LPP: variants seen among roughly 807,000 people sequenced by gnomAD.
The protein encoded by LPP is lipoma-preferred partner.
LPP carries 38 observed loss-of-function variants against 60.4 expected under a neutral mutation model. That is an observed-to-expected ratio of 0.63 (90% CI 0.49 to 0.83). LPP has a LOEUF of 0.83. LPP is among the 40% of genes least tolerant of loss of function. The pLI is 0.00. For synonymous variants in LPP, 328 were observed against 290.8 expected (o/e 1.13, Z -1.30); for missense variants, 902 against 783.6 (o/e 1.15, Z -1.80).
intron 3 of LPP, among the ~76,000 whole-genome samples, chr3:188,396,211 C>T (rs1295436248): frequency 6.6e-6 from 1 of 151,996 alleles, no homozygotes; most frequent in Non-Finnish European, 1.5e-5. Context: ...CAATAGTAGA[C>T]TCATATTCAT....
At chr3:188,196,074 T>C (rs1729448538) in intron 1 of LPP, among the ~76,000 whole-genome samples, 1 of 152,200 alleles carries the variant, frequency 6.6e-6, no homozygotes, top group African/African-American at 2.4e-5. Flanking sequence ...TTATTTGGCA[T>C]TGGTGGTGCT....
intron 1 of LPP, chr3:188,212,678 T>C (rs1842306): frequency 0.39 from 57,727 of 147,168 alleles, 13,225 homozygotes; most frequent in African/African-American, 0.62. Flanking sequence ...CATTCCTCTG[T>C]CCCTTGTTCT....
chr3:188,872,710 G>A lies in LPP; in HGVS notation c.1657G>A (p.Val553Ile). 1.2e-6 allele frequency: 2 copies of A among 1,614,188 alleles called. No individual in the cohort carries two copies. The highest frequency in any genetic ancestry group is 1.7e-6 in the Non-Finnish European group (2 of 1,180,028). Residue 553 changes from valine (V) to isoleucine (I), a missense_variant, in exon 11 of 12, where the codon GTC (valine) becomes ATC (isoleucine). By Grantham distance (29) the Val-to-Ile change is conservative. Coordinates refer to ENST00000617246, the MANE Select transcript of LPP (RefSeq NM_001375462.1). ...GCCAGCCCCGGGCCAGGAGGAGACT[G>A]TCCGTATTGTGGCTTTGGATCGAGA... ...IMPAPGQEET[V>I]RIVALDRDFH... is the part of the protein sequence containing the mutation.
At chr3:188,770,975 A>G (rs969769571) in intron 9 of LPP, among the ~76,000 whole-genome samples, 5 of 152,226 alleles carry the variant, frequency 3.3e-5, no homozygotes, top group Non-Finnish European at 7.3e-5. Context: ...GGATTGTCCC[A>G]TGCAGGCAAT....
chr3:188,720,451 G>A (rs1035973879), intron 8 of LPP, among the ~76,000 whole-genome samples: 3 of 152,092 alleles, frequency 2.0e-5, no homozygotes, highest in African/African-American at 7.2e-5. Flanking sequence ...CTGTACTTGT[G>A]CCATATAAAA....
At chr3:188,372,367 A>T (rs1205434870) in intron 3 of LPP, among the ~76,000 whole-genome samples, 1 of 152,198 alleles carries the variant, frequency 6.6e-6, no homozygotes, top group Admixed American at 6.5e-5. Context: ...AAGCTCCTTC[A>T]ATCCAATTAG....
At chr3:188,464,492 G>A (rs891251380) in intron 4 of LPP, among the ~76,000 whole-genome samples, 2 of 152,190 alleles carry the variant, frequency 1.3e-5, no homozygotes, top group Non-Finnish European at 2.9e-5. Flanking sequence ...CCATCTAGAT[G>A]ATTCTACAAA....
chr3:188,479,529 G>T (rs554630330), intron 4 of LPP, among the ~76,000 whole-genome samples: 4 of 152,300 alleles, frequency 2.6e-5, no homozygotes, highest in Admixed American at 2.6e-4. Flanking sequence ...AATTGAATGG[G>T]TTTTTATTTT....
In LPP at chr3:188,765,297, A is replaced by AACACACACAC. The variant is rs60149759; in HGVS notation, c.1410+5048_1410+5057dup. ...TCTTGTCTCTCTTTCTGTCTCACAC[A>AACACACACAC]ACACACACACACACACACACACACA... On this transcript the variant is annotated intron_variant, in intron 9 of 11. Coordinates refer to ENST00000617246, the MANE Select transcript of LPP (RefSeq NM_001375462.1). Among the ~76,000 whole-genome samples the AACACACACAC allele has an allele frequency of 1.3e-3, 186 of 144,068 alleles. 1 individual carries two copies. The East Asian group carries it at 0.018, about 14-fold the overall frequency. 94.5% of individuals were successfully genotyped at this position (144,068 alleles called of 152,430 possible).
chr3:188,872,631 C>G lies in LPP; in HGVS notation c.1590-12C>G, dbSNP rs183177947. Reference sequence around the variant, plus strand: ...GCGCAGTATCTAACCAGAACTCTCTCTTCACTTTCAGGAAATTTGCCCCGC... The same window carrying G: ...GCGCAGTATCTAACCAGAACTCTCTGTTCACTTTCAGGAAATTTGCCCCGC... On this transcript the variant is annotated splice_polypyrimidine_tract_variant and intron_variant, in intron 10 of 11. Transcript: ENST00000617246. 1.1e-5 allele frequency: 18 copies of G among 1,614,112 alleles called. No homozygotes were observed. The highest frequency in any genetic ancestry group is 2.2e-5 in the South Asian group (2 of 91,078).
intron 9 of LPP, among the ~76,000 whole-genome samples, chr3:188,795,941 G>T (rs1745211735): frequency 6.6e-6 from 1 of 152,144 alleles, no homozygotes; most frequent in African/African-American, 2.4e-5. Flanking sequence ...CTTGTTGACA[G>T]TTGGTGGGGT....
intron 9 of LPP, among the ~76,000 whole-genome samples, chr3:188,831,649 A>G (rs1757166884): frequency 6.6e-6 from 1 of 152,164 alleles, no homozygotes; most frequent in Non-Finnish European, 1.5e-5. Context: ...GGTTAAAGAG[A>G]TCTCTCAGTA....
intron 2 of LPP, among the ~76,000 whole-genome samples, chr3:188,334,459 GT>G (rs1481563238): frequency 2.9e-5 from 3 of 104,484 alleles, no homozygotes; most frequent in Non-Finnish European, 5.2e-5. Context: ...GAGTTTTGCT[GT>G]GTCACCAGGC....
At chr3:188,465,204 G>T (rs1331432220) in intron 4 of LPP, among the ~76,000 whole-genome samples, 1 of 152,066 alleles carries the variant, frequency 6.6e-6, no homozygotes. Context: ...GTAACAGATA[G>T]AAGTGACACC....
intron 6 of LPP, among the ~76,000 whole-genome samples, chr3:188,543,155 A>G (rs986166789): frequency 6.6e-6 from 1 of 152,154 alleles, no homozygotes; most frequent in Non-Finnish European, 1.5e-5. Flanking sequence ...ATGATCGGAA[A>G]TAGAAGAGGC....
chr3:188,615,633 C>T (rs1167765047), intron 7 of LPP, among the ~76,000 whole-genome samples: 1 of 152,066 alleles, frequency 6.6e-6, no homozygotes, highest in African/African-American at 2.4e-5. Flanking sequence ...TCTGTAGGGC[C>T]CTATTAGTGT....
At chr3:188,780,326 C>T (rs927957547) in intron 9 of LPP, among the ~76,000 whole-genome samples, 5 of 152,192 alleles carry the variant, frequency 3.3e-5, no homozygotes, top group Non-Finnish European at 7.4e-5. Flanking sequence ...CTTGAGTATC[C>T]AAAATGATTC....
intron 6 of LPP, among the ~76,000 whole-genome samples, chr3:188,543,085 T>C (rs145341485): frequency 6.6e-6 from 1 of 152,322 alleles, no homozygotes; most frequent in East Asian, 1.9e-4. Flanking sequence ...GTCTTTCCTT[T>C]AGGATGTGAC....
At chr3:188,567,833 C>T (rs1041050028) in intron 6 of LPP, among the ~76,000 whole-genome samples, 2 of 151,916 alleles carry the variant, frequency 1.3e-5, no homozygotes, top group Admixed American at 1.3e-4. Context: ...TTCAAAAACC[C>T]ACTAGTGATC....
Sources: gnomAD v4.1 joint callset for allele counts (sites outside exome capture counted in the v4.1 genomes callset) on GRCh38, gnomAD v4.1.1 for gene constraint, MANE v1.5 for transcripts, NCBI Gene and HGNC (gene_info 2026-07-23, HGNC 2026-07-21) for gene names.